KANK4: variants seen among roughly 807,000 people sequenced by gnomAD.
KANK4 encodes the protein KN motif and ankyrin repeat domains 4.
A neutral mutation model predicts 80.8 loss-of-function variants in KANK4; 50 were observed. The ratio of observed to expected loss-of-function variants is 0.62; its 90% CI spans 0.49 to 0.78. The LOEUF (loss-of-function observed/expected upper bound fraction) is 0.78, where lower values mean the gene tolerates loss of function less well. Ranked by LOEUF, KANK4 falls within the 30% of genes least tolerant of loss-of-function variation. The probability of loss-of-function intolerance (pLI) is 0.00; values close to 1 mark genes in which losing one functional copy is unlikely to be tolerated. For synonymous variants in KANK4, 465 were observed against 506.9 expected (o/e 0.92, Z 1.11); for missense variants, 1,196 against 1,240.1 (o/e 0.96, Z 0.53).
Position 62,273,855 on chromosome 1 carries a change from C to G in KANK4, c.1249G>C (p.Asp417His). 6.2e-7 allele frequency: 1 copy of G among 1,614,238 alleles called. No homozygotes were observed. The highest frequency in any genetic ancestry group is 8.5e-7 in the Non-Finnish European group (1 of 1,180,046). ...CTGGTCAAGAGTCCATGGACAGGGT[C>G]AGTGTTCACCATCACGTCCGTCTGG... ...QGQTDVMVNT[D>H]PVHGLLTRES... Residue 417 changes from aspartate to histidine, a missense_variant, in exon 3 of 10, where the codon GAC (aspartate) becomes CAC (histidine). Asp to His is a moderately conservative substitution (Grantham distance 81). Around this residue, in one of 3 missense-constraint regions of KANK4, gnomAD observed 1,154 missense variants for 1,179.6 expected, o/e 0.98. Transcript: ENST00000371153.
chr1:62,269,602 T>C (rs1035062334), intron 4 of KANK4, among the ~76,000 whole-genome samples: 2 of 152,228 alleles, frequency 1.3e-5, no homozygotes, highest in African/African-American at 4.8e-5. Context: ...ATAAAAACTT[T>C]GCCTGGAAGT....
At chr1:62,293,176 C>T (rs1672721507) in intron 1 of KANK4, among the ~76,000 whole-genome samples, 1 of 152,004 alleles carries the variant, frequency 6.6e-6, no homozygotes, top group East Asian at 1.9e-4. Context: ...CAACCTCTGC[C>T]TCCCAAGTTC....
intron 9 of KANK4, 92 bp from the exon 10 acceptor site, chr1:62,238,473 G>T: frequency 9.9e-7 from 1 of 1,014,310 alleles, no homozygotes; most frequent in South Asian, 1.4e-5. Context: ...GGGTATGCCT[G>T]GGACACAGGT....
chr1:62,284,584 G>T lies in KANK4; in HGVS notation c.-70-2950C>A, dbSNP rs188894404. Among the ~76,000 whole-genome samples the T allele has an allele frequency of 8.5e-5, 13 of 152,328 alleles. No individual in the cohort carries two copies. In the East Asian group the frequency reaches 2.3e-3, roughly 27 times the overall value. On this transcript the variant is annotated intron_variant, in intron 1 of 9. Transcript: ENST00000371153. ...TCCGCCCACCTTGGCCTCCCAAAGTGCTGGGATTACAGGGGTGAGCCACGG... is the reference window on the plus strand; with the variant it reads ...TCCGCCCACCTTGGCCTCCCAAAGTTCTGGGATTACAGGGGTGAGCCACGG...
chr1:62,247,780 T>C, intron 8 of KANK4, 108 bp from the exon 9 acceptor site: 1 of 883,344 alleles, frequency 1.1e-6, no homozygotes, highest in Non-Finnish European at 1.8e-6. Context: ...CAACCACTGA[T>C]TTGAATCTCC....
intron 1 of KANK4, among the ~76,000 whole-genome samples, chr1:62,305,962 T>G (rs1414721849): frequency 6.6e-6 from 1 of 151,830 alleles, no homozygotes; most frequent in Non-Finnish European, 1.5e-5. Flanking sequence ...TTCTATTTAG[T>G]AGTGTTTCCC....
intron 1 of KANK4, among the ~76,000 whole-genome samples, chr1:62,300,223 G>T (rs1644400566): frequency 6.6e-6 from 1 of 152,166 alleles, no homozygotes; most frequent in South Asian, 2.1e-4. Flanking sequence ...CACAAGGCAT[G>T]AAGTTCAATA....
chr1:62,292,095 C>T (rs1672692027), intron 1 of KANK4, among the ~76,000 whole-genome samples: 1 of 152,166 alleles, frequency 6.6e-6, no homozygotes, highest in Admixed American at 6.5e-5. Context: ...TACTTTCTGT[C>T]TGTATAGATT....
intron 4 of KANK4, among the ~76,000 whole-genome samples, chr1:62,268,921 C>T (rs577902457): frequency 2.0e-5 from 3 of 152,306 alleles, no homozygotes; most frequent in Non-Finnish European, 2.9e-5. Flanking sequence ...AACATCCCCA[C>T]CTCCACCCTG....
At chr1:62,297,192 C>T (rs1162523991) in intron 1 of KANK4, among the ~76,000 whole-genome samples, 4 of 152,066 alleles carry the variant, frequency 2.6e-5, no homozygotes, top group Non-Finnish European at 5.9e-5. Context: ...GAGATTGCAC[C>T]ACTGCACTCT....
At position 62,253,121 on chromosome 1, in the gene KANK4, C is replaced by T; in HGVS notation, c.2628G>A (p.Met876Ile). 4 of 1,613,998 alleles carry T rather than the reference C, an allele frequency of 2.5e-6. No homozygotes were observed. The highest frequency in any genetic ancestry group is 3.4e-6 in the Non-Finnish European group (4 of 1,179,948). ...PLASAETNED[M>I]AVVWKLLREG... ...CTCTTAAGAGCTTCCAGACAACAGC[C>T]ATGTCTTCATTGGTCTCTGCGGAAG... The change falls in exon 8 of 10, where the codon ATG becomes ATA. Residue 876 changes from methionine to isoleucine, a missense_variant. By Grantham distance (10) the Met-to-Ile change is conservative (BLOSUM62 1). Transcript: ENST00000371153.
intron 3 of KANK4, chr1:62,272,883 T>C (rs59838506): frequency 0.18 from 33,187 of 186,992 alleles, 4,710 homozygotes; most frequent in African/African-American, 0.43. Context: ...CTCCGCCTCC[T>C]GGGTTCAAGT....
chr1:62,247,976 G>C (rs1041815412), intron 8 of KANK4, among the ~76,000 whole-genome samples: 2 of 151,938 alleles, frequency 1.3e-5, no homozygotes, highest in Non-Finnish European at 2.9e-5. Flanking sequence ...CATTGTTGAC[G>C]GCAGGGACTA....
chr1:62,302,354 C>G (rs187573528), intron 1 of KANK4, among the ~76,000 whole-genome samples: 1 of 152,022 alleles, frequency 6.6e-6, no homozygotes, highest in African/African-American at 2.4e-5. Flanking sequence ...TCGACATTTA[C>G]TCCAGGCACT....
At chr1:62,253,409 C>CTTTTTTTTT (rs34488630) in intron 7 of KANK4, among the ~76,000 whole-genome samples, 200 bp from the exon 8 acceptor site, 17 of 110,980 alleles carry the variant, frequency 1.5e-4, no homozygotes, top group Non-Finnish European at 1.7e-4. Flanking sequence ...TTCTTTCTTT[C>CTTTTTTTTT]TTTTTTTTTT....
At position 62,278,388 on chromosome 1, in the gene KANK4, TCTTTC is replaced by T. The variant is rs1672370146; in HGVS notation, c.16+3156_16+3160del. ...TCCTTCCTTCCTTCCTTTCTTTCTT[TCTTTC>T]TTTCTTTTTTTTTTTTGAGATGGAA... On this transcript the variant is annotated intron_variant, in intron 2 of 9. Coordinates refer to ENST00000371153, the MANE Select transcript of KANK4 (RefSeq NM_181712.5). 1.7e-4 allele frequency among the ~76,000 whole-genome samples: 12 copies of T among 70,364 alleles called. 1 individual carries two copies. The highest frequency in any genetic ancestry group is 1.7e-4 in the Non-Finnish European group (7 of 41,014). 46.2% of individuals were successfully genotyped at this position (70,364 alleles called of 152,430 possible). A position where few individuals can be genotyped will look rare whatever the true frequency, so the allele number is the denominator to read the frequency against.
chr1:62,310,079 G>A (rs1378297562), intron 1 of KANK4, among the ~76,000 whole-genome samples: 1 of 152,200 alleles, frequency 6.6e-6, no homozygotes, highest in Admixed American at 6.5e-5. Flanking sequence ...GCAAGCACCT[G>A]AAGAAGAATG....
At chr1:62,242,172 G>A (rs1248467656) in intron 9 of KANK4, among the ~76,000 whole-genome samples, 1 of 64,388 alleles carries the variant, frequency 1.6e-5, no homozygotes, top group Non-Finnish European at 4.5e-5. Flanking sequence ...CAGGTATGGT[G>A]CAAAATTTGC....
At chr1:62,309,073 G>T (rs977115361) in intron 1 of KANK4, among the ~76,000 whole-genome samples, 18 of 152,200 alleles carry the variant, frequency 1.2e-4, no homozygotes, top group African/African-American at 3.9e-4. Context: ...AAGATGGGTG[G>T]CTTCCAAACA....
Sources: gnomAD v4.1 joint callset for allele counts (sites outside exome capture counted in the v4.1 genomes callset) on GRCh38, gnomAD v4.1.1 for gene constraint, gnomAD v4.1.1 regional missense constraint, MANE v1.5 for transcripts, NCBI Gene and HGNC (gene_info 2026-07-23, HGNC 2026-07-21) for gene names.